The following RAB38 variants were observed in gnomAD, a reference collection of about 807,000 sequenced individuals.
The protein encoded by RAB38 is RAB38, member RAS oncogene family.
Under a neutral mutation model 18.4 loss-of-function variants are expected in RAB38, and 15 were observed. The ratio of observed to expected loss-of-function variants is 0.82; its 90% CI spans 0.55 to 1.26. RAB38 has a LOEUF of 1.26. RAB38 is among the 50% of genes most tolerant of loss of function. The pLI, the probability that RAB38 is intolerant of heterozygous loss-of-function variation, is 0.00. For synonymous variants in RAB38, 101 were observed against 104.4 expected (o/e 0.97, Z 0.20); for missense variants, 294 against 267.4 (o/e 1.10, Z -0.69).
chr11:88,112,408 A>G (rs1254846597), downstream of RAB38, among the ~76,000 whole-genome samples: 1 of 152,192 alleles, frequency 6.6e-6, no homozygotes, highest in Non-Finnish European at 1.5e-5. Flanking sequence ...TGGAAAGAGT[A>G]GAAGGCCTCT....
chr11:88,050,547 G>A, the RAB38 span, among the ~76,000 whole-genome samples: 1 of 152,194 alleles, frequency 6.6e-6, no homozygotes, highest in Non-Finnish European at 1.5e-5. Flanking sequence ...AGAGTGTATT[G>A]TATAATTCCT....
chr11:88,004,797 G>A, the RAB38 span, among the ~76,000 whole-genome samples: 3 of 151,274 alleles, frequency 2.0e-5, no homozygotes, highest in Admixed American at 6.6e-5. Flanking sequence ...TCAGGTCTCA[G>A]GATAAGGGTT....
At chr11:87,830,761 G>A in the RAB38 span, among the ~76,000 whole-genome samples, 1 of 151,432 alleles carries the variant, frequency 6.6e-6, no homozygotes, top group East Asian at 1.9e-4. Flanking sequence ...TTATAGATAA[G>A]GAAATTAAAT....
At chr11:88,124,681 G>A (rs534159138) in intron 2 of RAB38, among the ~76,000 whole-genome samples, 4 of 152,170 alleles carry the variant, frequency 2.6e-5, no homozygotes, top group East Asian at 3.9e-4. Flanking sequence ...GCAACCTCCC[G>A]GAGGCAGCAC....
the RAB38 span, among the ~76,000 whole-genome samples, chr11:88,058,293 G>T: frequency 6.6e-5 from 10 of 152,240 alleles, no homozygotes; most frequent in South Asian, 2.1e-3. Context: ...TGTAGAGATA[G>T]ATTTTATAAT....
At chr11:88,128,061 A>C (rs1307428673) in intron 2 of RAB38, among the ~76,000 whole-genome samples, 4 of 152,190 alleles carry the variant, frequency 2.6e-5, no homozygotes, top group African/African-American at 9.7e-5. Context: ...AGCACAAAAG[A>C]AATTGTGACT....
intron 1 of RAB38, among the ~76,000 whole-genome samples, chr11:88,167,980 T>C (rs1943264894): frequency 6.6e-6 from 1 of 152,148 alleles, no homozygotes; most frequent in South Asian, 2.1e-4. Flanking sequence ...TCAAGGAATC[T>C]CCAAAGTGAA....
At chr11:87,947,622 C>T in the RAB38 span, among the ~76,000 whole-genome samples, 8 of 152,172 alleles carry the variant, frequency 5.3e-5, no homozygotes, top group South Asian at 1.7e-3. Context: ...GCCAGTTTTC[C>T]CAGCACCATT....
the RAB38 span, among the ~76,000 whole-genome samples, chr11:88,100,947 T>C: frequency 6.6e-6 from 1 of 152,024 alleles, no homozygotes; most frequent in South Asian, 2.1e-4. Flanking sequence ...TAGGATGATC[T>C]TTCTCAAGGA....
the RAB38 span, among the ~76,000 whole-genome samples, chr11:87,976,608 T>TATTTTACATAATATATAAATATATA: frequency 9.0e-3 from 929 of 102,902 alleles, 29 homozygotes; most frequent in African/African-American, 0.035. Context: ...TATAAATACA[T>TATTTTACATAATATATAAATATATA]ATTTTACATG....
chr11:87,945,083 A>AAAT, the RAB38 span, among the ~76,000 whole-genome samples: 4 of 152,248 alleles, frequency 2.6e-5, no homozygotes, highest in South Asian at 8.3e-4. Context: ...GGTAAATTTT[A>AAAT]AATTTTTCAT....
the RAB38 span, among the ~76,000 whole-genome samples, chr11:87,868,010 T>A: frequency 1.8e-4 from 28 of 151,708 alleles, no homozygotes; most frequent in Non-Finnish European, 2.8e-4. Context: ...TCACAGTTGA[T>A]ATGTCAAGAT....
chr11:87,806,682 T>A, the RAB38 span, among the ~76,000 whole-genome samples: 1 of 152,214 alleles, frequency 6.6e-6, no homozygotes, highest in Non-Finnish European at 1.5e-5. Flanking sequence ...TACTACCAGA[T>A]ATAACTGAAA....
chr11:88,021,394 T>C, the RAB38 span, among the ~76,000 whole-genome samples: 2 of 151,816 alleles, frequency 1.3e-5, no homozygotes, highest in Non-Finnish European at 2.9e-5. Context: ...CATGAAGAAA[T>C]TAAAAACCAA....
intron 2 of RAB38, among the ~76,000 whole-genome samples, chr11:88,132,036 C>G (rs1445948389): frequency 6.6e-6 from 1 of 152,196 alleles, no homozygotes; most frequent in Non-Finnish European, 1.5e-5. Flanking sequence ...CCTGAATGAG[C>G]ATAGAAGAGG....
chr11:87,967,266 C>A, the RAB38 span, among the ~76,000 whole-genome samples: 140 of 152,162 alleles, frequency 9.2e-4, 1 homozygote, highest in African/African-American at 3.2e-3. Flanking sequence ...TACTTTATCT[C>A]TTTAAATAAC....
At chr11:87,819,661 T>G in the RAB38 span, among the ~76,000 whole-genome samples, 3,699 of 147,202 alleles carry the variant, frequency 0.025, 89 homozygotes, top group African/African-American at 0.065. Flanking sequence ...ATCTCTTGGA[T>G]ATATATATAT....
At chr11:88,114,743 T>C (rs1482814274) in intron 2 of RAB38, among the ~76,000 whole-genome samples, 2 of 152,192 alleles carry the variant, frequency 1.3e-5, no homozygotes, top group Non-Finnish European at 2.9e-5. Flanking sequence ...CAGTTTCCTG[T>C]TTTTTCTGTT....
At chr11:87,831,259 C>A in the RAB38 span, among the ~76,000 whole-genome samples, 1 of 152,096 alleles carries the variant, frequency 6.6e-6, no homozygotes, top group East Asian at 1.9e-4. Context: ...TGGAGAGAGA[C>A]AAGATGCACA....
Sources: allele counts gnomAD v4.1 joint callset (sites outside exome capture counted in the v4.1 genomes callset), GRCh38; gene constraint gnomAD v4.1.1; transcripts MANE v1.5; gene names NCBI Gene and HGNC (gene_info 2026-07-23, HGNC 2026-07-21).